Variants in FBN2 observed in about 807,000 individuals in gnomAD.
The protein encoded by FBN2 is fibrillin-2.
In FBN2, 105 loss-of-function variants were observed where a neutral mutation model predicts 355.6. The ratio of observed to expected loss-of-function variants is 0.30; its 90% CI spans 0.25 to 0.35. The LOEUF is 0.35. FBN2 is among the 10% of genes least tolerant of loss of function. The probability of loss-of-function intolerance (pLI) is 1.00; values close to 1 mark genes in which losing one functional copy is unlikely to be tolerated. For missense variants in FBN2, 3,280 were observed against 3,758.7 expected (o/e 0.87, Z 3.33); for synonymous variants, 1,350 against 1,301.2 (o/e 1.04, Z -0.81).
intron 5 of FBN2, among the ~76,000 whole-genome samples, chr5:128,495,924 C>G (rs1215808798): frequency 6.6e-6 from 1 of 151,972 alleles, no homozygotes; most frequent in Non-Finnish European, 1.5e-5. Flanking sequence ...GGACAAGTTT[C>G]TAGAAAGATA....
At chr5:128,358,557 T>C (rs992439636) in intron 19 of FBN2, among the ~76,000 whole-genome samples, 1 of 152,110 alleles carries the variant, frequency 6.6e-6, no homozygotes, top group African/African-American at 2.4e-5. Flanking sequence ...ATTCTTGAAA[T>C]AGAAATTGTT....
At chr5:128,298,674 G>A (rs1448572334) in intron 48 of FBN2, among the ~76,000 whole-genome samples, 1 of 152,114 alleles carries the variant, frequency 6.6e-6, no homozygotes, top group Admixed American at 6.5e-5. Context: ...TCGAGCCTTG[G>A]TTTTCAGCTC....
chr5:128,382,419 G>A (rs1752256438), intron 11 of FBN2, among the ~76,000 whole-genome samples: 1 of 152,054 alleles, frequency 6.6e-6, no homozygotes, highest in African/African-American at 2.4e-5. Flanking sequence ...GATTCCAGCT[G>A]TAGTATTCCT....
At chr5:128,260,547 C>G (rs1169090296) in intron 64 of FBN2, among the ~76,000 whole-genome samples, 1 of 152,190 alleles carries the variant, frequency 6.6e-6, no homozygotes, top group East Asian at 1.9e-4. Context: ...AGTGGTGACC[C>G]AGAAGTGCCC....
chr5:128,394,479 G>A (rs928996278), intron 9 of FBN2, among the ~76,000 whole-genome samples: 1 of 152,120 alleles, frequency 6.6e-6, no homozygotes, highest in Non-Finnish European at 1.5e-5. Flanking sequence ...TAAGCTGAAG[G>A]TATTCCTGAA....
At chr5:128,500,430 C>CTTTTTTTTTTTTT (rs149068555) in intron 5 of FBN2, among the ~76,000 whole-genome samples, 8 of 51,178 alleles carry the variant, frequency 1.6e-4, no homozygotes, top group Admixed American at 2.3e-4. Flanking sequence ...TCTGACAATT[C>CTTTTTTTTTTTTT]TTTTTTTTTT....
intron 5 of FBN2, among the ~76,000 whole-genome samples, chr5:128,479,976 CTATATATATATATATA>C (rs200921131): frequency 0.045 from 1,306 of 28,808 alleles, 28 homozygotes; most frequent in Admixed American, 0.051. Context: ...CTCTCTCTCT[CTATATATATATATATA>C]TATATATATA....
At chr5:128,455,906 GC>G (rs538073030) in intron 6 of FBN2, among the ~76,000 whole-genome samples, 158 of 144,136 alleles carry the variant, frequency 1.1e-3, no homozygotes, top group Middle Eastern at 3.9e-3. Context: ...AGCCTATGGA[GC>G]CCCCCGGGGG....
chr5:128,485,657 T>C (rs905534961), intron 5 of FBN2, among the ~76,000 whole-genome samples: 1 of 152,168 alleles, frequency 6.6e-6, no homozygotes, highest in African/African-American at 2.4e-5. Context: ...TGTATAAGCA[T>C]GTACTAAATA....
chr5:128,343,207 G>A (rs770067356), intron 25 of FBN2, among the ~76,000 whole-genome samples: 7 of 152,162 alleles, frequency 4.6e-5, no homozygotes, highest in Non-Finnish European at 8.8e-5. Flanking sequence ...GATGAATGGA[G>A]GTGAATATGA....
intron 8 of FBN2, among the ~76,000 whole-genome samples, chr5:128,403,733 T>C (rs1320167015): frequency 2.6e-5 from 4 of 152,064 alleles, no homozygotes; most frequent in South Asian, 2.1e-4. Flanking sequence ...CACATGTTAG[T>C]GCTCTATGCT....
At chr5:128,274,045 A>C in intron 60 of FBN2, 77 bp from the exon 61 acceptor site, 1 of 1,541,376 alleles carries the variant, frequency 6.5e-7, no homozygotes, top group South Asian at 1.1e-5. Flanking sequence ...AGTAAAAAGC[A>C]ATGTATGAAA....
chr5:128,405,128 G>A (rs1752892385), intron 8 of FBN2, among the ~76,000 whole-genome samples: 2 of 152,148 alleles, frequency 1.3e-5, no homozygotes, highest in South Asian at 4.1e-4. Flanking sequence ...CTGAGATGGT[G>A]CCACTGCATT....
At chr5:128,368,457 CATATATATACAT>C (rs1294496740) in intron 16 of FBN2, among the ~76,000 whole-genome samples, 1 of 75,820 alleles carries the variant, frequency 1.3e-5, no homozygotes, top group Non-Finnish European at 2.3e-5. Flanking sequence ...TATATATACA[CATATATATACAT>C]ATATATACAT....
chr5:128,334,438 C>T (rs544405306), intron 31 of FBN2, among the ~76,000 whole-genome samples: 18 of 152,226 alleles, frequency 1.2e-4, no homozygotes, highest in African/African-American at 2.9e-4. Context: ...GCTGCATGAA[C>T]GACCATAAGT....
intron 59 of FBN2, among the ~76,000 whole-genome samples, chr5:128,275,732 C>T (rs1326616148): frequency 6.6e-6 from 1 of 152,118 alleles, no homozygotes; most frequent in Non-Finnish European, 1.5e-5. Context: ...TAAGCAACAA[C>T]AACAAATATC....
rs773448691 is a variant in FBN2, at chr5:128,259,776, C to T, written c.8418G>A (p.Lys2806=). ...TAGAGCCGAGGTGGGAGAGGTTGAA[C>T]TTCATGTTGACGGGGCTGTCCATGT... The part of the protein sequence containing the change: ...SVDMDSPVNM[K]FNLSHLGSKE... Residue 2806 remains lysine (K), a synonymous_variant, in exon 65 of 65, where the codon AAG becomes AAA. Coordinates refer to ENST00000262464, the MANE Select transcript of FBN2 (RefSeq NM_001999.4). The T allele has an allele frequency of 6.2e-6, 10 of 1,613,758 alleles. No individual in the cohort carries two copies. Among genetic ancestry groups the T allele is most frequent in the Non-Finnish European group, 8.5e-6 (10 of 1,179,962 alleles).
intron 2 of FBN2, among the ~76,000 whole-genome samples, chr5:128,534,246 TAATAA>T (rs1231255708): frequency 6.6e-6 from 1 of 152,200 alleles, no homozygotes; most frequent in African/African-American, 2.4e-5. Flanking sequence ...CCAATAAATA[TAATAA>T]TTTACTTAAT....
intron 8 of FBN2, among the ~76,000 whole-genome samples, chr5:128,406,318 T>G (rs2126996880): frequency 6.6e-6 from 1 of 152,324 alleles, no homozygotes; most frequent in Admixed American, 6.5e-5. Context: ...TGGCTGTAAC[T>G]TTTGCAGTGT....
Sources: allele counts gnomAD v4.1 joint callset (sites outside exome capture counted in the v4.1 genomes callset), GRCh38; gene constraint gnomAD v4.1.1; transcripts MANE v1.5; gene names NCBI Gene and HGNC (gene_info 2026-07-23, HGNC 2026-07-21).